Variants in ANXA4 observed in about 807,000 individuals in gnomAD.
ANXA4 encodes the protein 35-beta calcimedin.
A neutral mutation model predicts 49.8 loss-of-function variants in ANXA4; 39 were observed. The observed-to-expected ratio is 0.78, with a 90% CI of 0.61 to 1.02. The LOEUF is 1.02. Among genes scored for constraint, ANXA4 ranks in the 50% least tolerant of loss-of-function variants. ANXA4 has a pLI of 0.00. For synonymous variants in ANXA4, 134 were observed against 152.5 expected (o/e 0.88, Z 0.89); for missense variants, 360 against 410.1 (o/e 0.88, Z 1.05).
intron 3 of ANXA4, among the ~76,000 whole-genome samples, chr2:69,799,886 A>G (rs1461065913): frequency 6.6e-6 from 1 of 152,266 alleles, no homozygotes; most frequent in Admixed American, 6.5e-5. Flanking sequence ...TGTTGCTAAC[A>G]GTAACAACAA....
At chr2:69,647,834 G>A (rs1361630114) in intron 1 of ANXA4, among the ~76,000 whole-genome samples, 1 of 152,176 alleles carries the variant, frequency 6.6e-6, no homozygotes, top group Non-Finnish European at 1.5e-5. Context: ...TGAGATTACA[G>A]ATGTGAGCCA....
Position 69,820,713 on chromosome 2 carries a change from T to C in ANXA4, c.798T>C (p.Asp266=), listed in dbSNP as rs1316411010. 1 of 1,614,104 alleles carries C rather than the reference T, an allele frequency of 6.2e-7. No homozygotes were observed. The highest frequency in any genetic ancestry group is 8.5e-7 in the Non-Finnish European group (1 of 1,179,994). Residue 266 remains aspartate (D), a synonymous_variant, in exon 12 of 13, where the codon GAT becomes GAC. Coordinates refer to ENST00000394295, the MANE Select transcript of ANXA4 (RefSeq NM_001153.5). ...TTCTTCCTTAGGGCTTGGGCACCGA[T>C]GATAACACCCTCATCAGAGTGATGG... ...LYKSMKGLGT[D]DNTLIRVMVS... is the part of the protein sequence containing the mutation.
chr2:69,673,291 G>C (rs571857804), intron 2 of ANXA4, among the ~76,000 whole-genome samples: 1 of 152,124 alleles, frequency 6.6e-6, no homozygotes, highest in African/African-American at 2.4e-5. Context: ...TAAACAAAAT[G>C]TGGCACATAT....
At chr2:69,770,584 G>A (rs886145115) in intron 1 of ANXA4, among the ~76,000 whole-genome samples, 1 of 152,144 alleles carries the variant, frequency 6.6e-6, no homozygotes, top group Non-Finnish European at 1.5e-5. Flanking sequence ...CCGCCAAGTT[G>A]TGGTGGGGTC....
chr2:69,794,986 T>C (rs1245165224), intron 3 of ANXA4, among the ~76,000 whole-genome samples: 1 of 152,216 alleles, frequency 6.6e-6, no homozygotes, highest in East Asian at 1.9e-4. Context: ...TTTCCTCACC[T>C]GGTGCTCTGG....
At chr2:69,656,608 A>G (rs1314681526) in intron 2 of ANXA4, among the ~76,000 whole-genome samples, 1 of 114,306 alleles carries the variant, frequency 8.7e-6, no homozygotes, top group South Asian at 2.8e-4. Flanking sequence ...GATGGAGTTT[A>G]GCGGCCTGAT....
chr2:69,804,387 A>G, intron 3 of ANXA4, 146 bp from the exon 4 acceptor site: 2 of 659,636 alleles, frequency 3.0e-6, no homozygotes, highest in Non-Finnish European at 5.1e-6. Flanking sequence ...CTGTTTCCCA[A>G]AAAGTAGACA....
At chr2:69,701,432 C>T (rs1196867723) in intron 2 of ANXA4, among the ~76,000 whole-genome samples, 1 of 152,178 alleles carries the variant, frequency 6.6e-6, no homozygotes, top group Non-Finnish European at 1.5e-5. Context: ...ATTTTGACTA[C>T]TCTGGCTACC....
intron 7 of ANXA4, among the ~76,000 whole-genome samples, chr2:69,812,056 G>A (rs1040853537): frequency 2.0e-5 from 3 of 151,656 alleles, no homozygotes; most frequent in Admixed American, 1.3e-4. Flanking sequence ...CATTTTTATG[G>A]GATCCTCAAG....
intron 3 of ANXA4, among the ~76,000 whole-genome samples, chr2:69,797,965 C>T (rs1298994007): frequency 1.3e-5 from 2 of 152,220 alleles, no homozygotes; most frequent in Admixed American, 1.3e-4. Context: ...CCTCCATATG[C>T]TCTTTAAACA....
At position 69,825,426 on chromosome 2, in the gene ANXA4, T is replaced by C. The variant is rs759282174; in HGVS notation, c.907-30T>C. On this transcript the variant is annotated intron_variant, in intron 12 of 12. Transcript: ENST00000394295. ...ACTGTGTGTTTCATTTTAAAATCTA[T>C]TTATCTAACTTTGCTTCCCTATCGA... 15 of 1,576,958 alleles carry C rather than the reference T, an allele frequency of 9.5e-6. No individual in the cohort carries two copies. In the East Asian group the frequency reaches 3.4e-4, roughly 36 times the overall value.
chr2:69,773,978 A>G (rs976064859), intron 1 of ANXA4, among the ~76,000 whole-genome samples: 1 of 151,964 alleles, frequency 6.6e-6, no homozygotes, highest in Non-Finnish European at 1.5e-5. Flanking sequence ...GATTACAGGC[A>G]TGCCAGGCTA....
intron 1 of ANXA4, among the ~76,000 whole-genome samples, chr2:69,768,475 G>A (rs1043580341): frequency 7.9e-5 from 12 of 152,126 alleles, no homozygotes; most frequent in African/African-American, 2.9e-4. Context: ...CGTCATCTCT[G>A]TAGCTTCCAG....
chr2:69,672,535 T>A (rs942447600), intron 2 of ANXA4, among the ~76,000 whole-genome samples: 6 of 152,184 alleles, frequency 3.9e-5, no homozygotes, highest in Non-Finnish European at 5.9e-5. Flanking sequence ...GCCAGCCTAT[T>A]ATGTATTTTA....
intron 1 of ANXA4, among the ~76,000 whole-genome samples, chr2:69,749,717 A>T (rs191509297): frequency 0.014 from 2,150 of 151,728 alleles, 51 homozygotes; most frequent in African/African-American, 0.049. Context: ...TTGAGGTCAG[A>T]AGTTTGAGAC....
chr2:69,765,249 T>G (rs916471690), intron 1 of ANXA4, among the ~76,000 whole-genome samples: 3 of 152,236 alleles, frequency 2.0e-5, no homozygotes, highest in African/African-American at 7.2e-5. Flanking sequence ...TACCTAGAAG[T>G]GGAATTGTTG....
At chr2:69,765,189 G>A (rs1283021927) in intron 1 of ANXA4, among the ~76,000 whole-genome samples, 1 of 152,200 alleles carries the variant, frequency 6.6e-6, no homozygotes, top group Non-Finnish European at 1.5e-5. Flanking sequence ...GAACATGGAT[G>A]TGCAAACATT....
At chr2:69,656,187 AC>A (rs1676432448) in intron 2 of ANXA4, among the ~76,000 whole-genome samples, 3 of 123,038 alleles carry the variant, frequency 2.4e-5, no homozygotes, top group Non-Finnish European at 4.9e-5. Context: ...AAATATATAT[AC>A]GTATATATAT....
At chr2:69,671,731 T>C (rs996462985) in intron 2 of ANXA4, among the ~76,000 whole-genome samples, 27 of 152,024 alleles carry the variant, frequency 1.8e-4, no homozygotes, top group Non-Finnish European at 3.8e-4. Flanking sequence ...TCAAAAAATA[T>C]ATATATATAC....
Sources: allele counts gnomAD v4.1 joint callset (sites outside exome capture counted in the v4.1 genomes callset), GRCh38; gene constraint gnomAD v4.1.1; transcripts MANE v1.5; gene names NCBI Gene and HGNC (gene_info 2026-07-23, HGNC 2026-07-21).